PPP2R2C: variants seen among roughly 807,000 people sequenced by gnomAD.
The protein encoded by PPP2R2C is protein phosphatase 2, regulatory subunit B, gamma.
A neutral mutation model predicts 45.3 loss-of-function variants in PPP2R2C; 10 were observed. That is an observed-to-expected ratio of 0.22 (90% confidence interval 0.14 to 0.37). The LOEUF (loss-of-function observed/expected upper bound fraction) is 0.37. Among genes scored for constraint, PPP2R2C ranks in the 10% least tolerant of loss-of-function variants. PPP2R2C has a pLI of 1.00. For missense variants in PPP2R2C, 308 were observed against 619.7 expected (o/e 0.50, Z 5.34); for synonymous variants, 257 against 245.4 (o/e 1.05, Z -0.44).
intron 1 of PPP2R2C, among the ~76,000 whole-genome samples, chr4:6,467,436 G>T (rs1721652455): frequency 6.6e-6 from 1 of 151,998 alleles, no homozygotes; most frequent in Non-Finnish European, 1.5e-5. Flanking sequence ...ACAGACCCAG[G>T]GTCAGACCCC....
At chr4:6,344,786 T>C (rs1270906855) in intron 6 of PPP2R2C, among the ~76,000 whole-genome samples, 3 of 152,234 alleles carry the variant, frequency 2.0e-5, no homozygotes, top group African/African-American at 7.2e-5. Flanking sequence ...TGTTATCCCC[T>C]AAATCTTTCA....
In PPP2R2C at chr4:6,510,986, AAAACAAACAAAC is replaced by A. The variant is rs1184363404; in HGVS notation, c.49+24273_49+24284del. Among the ~76,000 whole-genome samples, 216 of 83,958 alleles carry A rather than the reference AAAACAAACAAAC, an allele frequency of 2.6e-3. 8 individuals carry two copies. Among genetic ancestry groups the A allele is most frequent in the African/African-American group, 7.7e-3 (209 of 27,262 alleles). The allele number at this position is 83,958 out of a possible 152,430, so 55.1% of individuals were successfully genotyped here. A position where few individuals can be genotyped will look rare whatever the true frequency, so the allele number is the denominator to read the frequency against. On this transcript the variant is annotated intron_variant, in intron 2 of 9. Coordinates refer to the PPP2R2C transcript ENST00000506140. ...AGTGAGACTCCGTCTCAAACAAAAA[AAAACAAACAAAC>A]AAAAAAAAAAACAGAAAATGTTTGT...
At chr4:6,535,416 G>T in intron 1 of PPP2R2C, 1 of 1,364,492 alleles carries the variant, frequency 7.3e-7, no homozygotes, top group Non-Finnish European at 1.0e-6. Flanking sequence ...AGGAATCAAA[G>T]AGCCTTGGTG....
chr4:6,511,496 TGGC>T (rs1182250297), intron 2 of PPP2R2C, among the ~76,000 whole-genome samples: 5 of 86,624 alleles, frequency 5.8e-5, no homozygotes, highest in South Asian at 4.6e-4. Flanking sequence ...TTGGTGGTGA[TGGC>T]GGTGATGGTG....
chr4:6,383,008 C>G (rs1715963034), intron 1 of PPP2R2C: 1 of 1,077,330 alleles, frequency 9.3e-7, no homozygotes, highest in Non-Finnish European at 1.1e-6. Context: ...TCACCCCTCC[C>G]ATGGTGGGCC....
At chr4:6,363,737 C>A (rs1714029617) in intron 5 of PPP2R2C, among the ~76,000 whole-genome samples, 1 of 152,134 alleles carries the variant, frequency 6.6e-6, no homozygotes, top group African/African-American at 2.4e-5. Context: ...TGGCAAGACA[C>A]AAGGTCACAC....
intron 2 of PPP2R2C, among the ~76,000 whole-genome samples, chr4:6,520,387 C>G (rs964393547): frequency 2.0e-5 from 3 of 152,034 alleles, no homozygotes; most frequent in African/African-American, 7.3e-5. Context: ...GCTCACTGTC[C>G]CACATCCTTC....
intron 2 of PPP2R2C, among the ~76,000 whole-genome samples, chr4:6,501,400 C>T (rs1041866850): frequency 7.9e-5 from 12 of 152,260 alleles, no homozygotes; most frequent in African/African-American, 2.9e-4. Context: ...ATCACACCCC[C>T]TCTCAATCCA....
chr4:6,445,104 G>A (rs371751092), intron 1 of PPP2R2C, among the ~76,000 whole-genome samples: 6 of 152,024 alleles, frequency 3.9e-5, no homozygotes, highest in South Asian at 2.1e-4. Flanking sequence ...CAGGAGGACC[G>A]CTTGAGCCTG....
chr4:6,482,015 A>G (rs1722372089), intron 2 of PPP2R2C, among the ~76,000 whole-genome samples: 1 of 151,258 alleles, frequency 6.6e-6, no homozygotes, highest in African/African-American at 2.4e-5. Flanking sequence ...GTAAAAAGGA[A>G]ATCCTGTTGG....
intron 2 of PPP2R2C, among the ~76,000 whole-genome samples, chr4:6,498,759 C>T (rs1291911244): frequency 3.3e-5 from 5 of 152,226 alleles, no homozygotes; most frequent in South Asian, 2.1e-4. Flanking sequence ...AGGGCCTGCA[C>T]GGGGACATGA....
intron 1 of PPP2R2C, among the ~76,000 whole-genome samples, chr4:6,562,828 T>C (rs1725622275): frequency 6.6e-6 from 1 of 151,978 alleles, no homozygotes; most frequent in South Asian, 2.1e-4. Flanking sequence ...CCACAGAGTG[T>C]GTGGTCCCTG....
At chr4:6,454,691 T>C (rs1720921969) in intron 1 of PPP2R2C, among the ~76,000 whole-genome samples, 1 of 152,228 alleles carries the variant, frequency 6.6e-6, no homozygotes, top group South Asian at 2.1e-4. Context: ...ATCACATCAC[T>C]GAGCTCCAGA....
At chr4:6,500,690 G>C (rs1458876420) in intron 2 of PPP2R2C, among the ~76,000 whole-genome samples, 1 of 152,338 alleles carries the variant, frequency 6.6e-6, no homozygotes, top group Non-Finnish European at 1.5e-5. Flanking sequence ...CCAAGTCCTG[G>C]GGTGCATCCG....
At chr4:6,512,377 GTGGTGGTGGTGA>G (rs1723645733) in intron 2 of PPP2R2C, among the ~76,000 whole-genome samples, 5 of 105,186 alleles carry the variant, frequency 4.8e-5, no homozygotes, top group African/African-American at 1.4e-4. Context: ...GGTGGTGGTG[GTGGTGGTGGTGA>G]TGGTGGTGGT....
At chr4:6,446,702 C>G (rs1720436579) in intron 1 of PPP2R2C, among the ~76,000 whole-genome samples, 1 of 152,090 alleles carries the variant, frequency 6.6e-6, no homozygotes, top group African/African-American at 2.4e-5. Context: ...ACTGGAAATA[C>G]TGGTACACCT....
chr4:6,516,922 C>T (rs761695033), intron 2 of PPP2R2C, among the ~76,000 whole-genome samples: 9 of 152,294 alleles, frequency 5.9e-5, no homozygotes, highest in Non-Finnish European at 1.2e-4. Context: ...TGGCGAGTGG[C>T]ATGTAGGCAG....
intron 5 of PPP2R2C, chr4:6,350,712 C>T: frequency 1.0e-6 from 1 of 985,384 alleles, no homozygotes. Flanking sequence ...CCCAGAGTGG[C>T]CAGAGGCTGG....
chr4:6,357,902 C>T (rs1339549757), intron 5 of PPP2R2C, among the ~76,000 whole-genome samples: 6 of 152,178 alleles, frequency 3.9e-5, no homozygotes, highest in African/African-American at 9.6e-5. Flanking sequence ...GTATAGTCCT[C>T]GGGCATGCAG....
Sources: allele counts gnomAD v4.1 joint callset (sites outside exome capture counted in the v4.1 genomes callset), GRCh38; gene constraint gnomAD v4.1.1; transcripts MANE v1.5; gene names NCBI Gene and HGNC (gene_info 2026-07-23, HGNC 2026-07-21).